The following EGFR variants were observed in gnomAD, a reference collection of about 807,000 sequenced individuals.
The protein encoded by EGFR is epidermal growth factor receptor, also known as avian erythroblastic leukemia viral (v-erb-b) oncogene homolog.
Under a neutral mutation model 143.0 loss-of-function variants are expected in EGFR, and 58 were observed. The observed-to-expected ratio is 0.41, with a 90% CI of 0.33 to 0.50. EGFR has a LOEUF of 0.50. Among genes scored for constraint, EGFR ranks in the 20% least tolerant of loss-of-function variants. The probability of loss-of-function intolerance (pLI) is 0.39; values close to 1 mark genes in which losing one functional copy is unlikely to be tolerated. For synonymous variants in EGFR, 613 were observed against 594.4 expected (o/e 1.03, Z -0.45); for missense variants, 1,307 against 1,579.0 (o/e 0.83, Z 2.92).
At chr7:55,126,079 G>T (rs1477479726) in intron 1 of EGFR, among the ~76,000 whole-genome samples, 1 of 152,120 alleles carries the variant, frequency 6.6e-6, no homozygotes, top group African/African-American at 2.4e-5. Context: ...ATGTGGCGGG[G>T]CCCCGCTTGT....
At chr7:55,128,016 C>G (rs1232339036) in intron 1 of EGFR, among the ~76,000 whole-genome samples, 1 of 152,194 alleles carries the variant, frequency 6.6e-6, no homozygotes, top group Non-Finnish European at 1.5e-5. Context: ...GGCACAGGAA[C>G]CAAAACAAAG....
intron 1 of EGFR, among the ~76,000 whole-genome samples, chr7:55,103,560 G>A (rs1562716489): frequency 6.6e-6 from 1 of 152,230 alleles, no homozygotes; most frequent in Non-Finnish European, 1.5e-5. Context: ...AGCTAAGGAA[G>A]AAAGCTGGTC....
intron 13 of EGFR, among the ~76,000 whole-genome samples, chr7:55,162,254 AG>A (rs1785745401): frequency 1.3e-5 from 2 of 152,268 alleles, no homozygotes; most frequent in African/African-American, 4.8e-5. Flanking sequence ...TAAATAGGAA[AG>A]TAAAACTGAA....
chr7:55,040,151 G>A (rs1163370862), intron 1 of EGFR, among the ~76,000 whole-genome samples: 1 of 152,180 alleles, frequency 6.6e-6, no homozygotes, highest in African/African-American at 2.4e-5. Context: ...GCTGCAGGGA[G>A]CCTTGAGTTC....
intron 1 of EGFR, among the ~76,000 whole-genome samples, chr7:55,131,939 GAA>G (rs1272464184): frequency 8.0e-5 from 8 of 99,788 alleles, no homozygotes; most frequent in Admixed American, 3.3e-4. Context: ...TTTGCTTTCA[GAA>G]AAAAAAAAAA....
chr7:55,143,866 A>G (rs536418617), intron 3 of EGFR, among the ~76,000 whole-genome samples: 4 of 152,212 alleles, frequency 2.6e-5, no homozygotes, highest in Non-Finnish European at 5.9e-5. Flanking sequence ...GATAAAAGAC[A>G]TACAGTAAAA....
At chr7:55,031,506 G>A (rs113015455) in intron 1 of EGFR, among the ~76,000 whole-genome samples, 1 of 114,364 alleles carries the variant, frequency 8.7e-6, no homozygotes. Context: ...GTAGTGACGT[G>A]CCTGGTGTCA....
At chr7:55,179,479 G>T (rs748542787) in intron 19 of EGFR, among the ~76,000 whole-genome samples, 4 of 152,206 alleles carry the variant, frequency 2.6e-5, no homozygotes, top group Non-Finnish European at 5.9e-5. Flanking sequence ...GGAAGGAGGA[G>T]GTGGGTTCTG....
rs148206073 is a variant in EGFR, at chr7:55,044,924, A to G, written c.88+25559A>G. Among the ~76,000 whole-genome samples the G allele has an allele frequency of 8.2e-4, 125 of 152,314 alleles. 1 individual carries two copies. The highest frequency in any genetic ancestry group is 2.9e-3 in the South Asian group (14 of 4,826). Reference sequence around the variant, plus strand: ...TTGTCTAAGAAAGAAGGCTGTGTTCATGGCCTTTGTTGTTTACGTGGCCCT... The same window carrying G: ...TTGTCTAAGAAAGAAGGCTGTGTTCGTGGCCTTTGTTGTTTACGTGGCCCT... On this transcript the variant is annotated intron_variant, in intron 1 of 27. Transcript: ENST00000275493.
intron 20 of EGFR, among the ~76,000 whole-genome samples, chr7:55,182,653 C>A (rs968430104): frequency 5.9e-5 from 9 of 152,168 alleles, no homozygotes; most frequent in Admixed American, 5.2e-4. Context: ...CAGATAGCAG[C>A]ACACCCTGCA....
At chr7:55,151,011 G>A (rs559571913) in intron 4 of EGFR, among the ~76,000 whole-genome samples, 1 of 152,306 alleles carries the variant, frequency 6.6e-6, no homozygotes, top group South Asian at 2.1e-4. Context: ...TGTAAACAAG[G>A]AACCTCAAAT....
intron 1 of EGFR, among the ~76,000 whole-genome samples, chr7:55,090,806 G>A (rs941763658): frequency 6.6e-6 from 1 of 152,184 alleles, no homozygotes; most frequent in Non-Finnish European, 1.5e-5. Flanking sequence ...CTTCAGGAAT[G>A]AGGCTAGTAA....
rs17289651 is a variant in EGFR, at chr7:55,145,749, G to A, written c.425-857G>A. On this transcript the variant is annotated intron_variant, in intron 3 of 27. Coordinates refer to ENST00000275493, the MANE Select transcript of EGFR (RefSeq NM_005228.5). ...CATTGTGAGAATGAATGAAGATAGT[G>A]CTTATAAATCAGCCAGCAAGGTACC... is the stretch of plus-strand genomic sequence containing the variant. Among the ~76,000 whole-genome samples the A allele has an allele frequency of 3.9e-5, 6 of 152,290 alleles. No individual in the cohort carries two copies. The South Asian group carries it at 1.0e-3, about 26-fold the overall frequency.
chr7:55,198,963 A>G, intron 23 of EGFR, 100 bp downstream of exon 23: 1 of 1,487,708 alleles, frequency 6.7e-7, no homozygotes, highest in Non-Finnish European at 9.2e-7. Flanking sequence ...AAATGTCATC[A>G]CATTACTTAA....
intron 1 of EGFR, among the ~76,000 whole-genome samples, chr7:55,050,438 G>C (rs748783892): frequency 1.3e-4 from 20 of 152,086 alleles, no homozygotes; most frequent in Non-Finnish European, 2.6e-4. Flanking sequence ...TCCATTTCCA[G>C]GCTGAATGGT....
intron 1 of EGFR, among the ~76,000 whole-genome samples, chr7:55,115,064 G>A (rs1239656496): frequency 2.0e-5 from 3 of 152,032 alleles, no homozygotes; most frequent in Admixed American, 1.3e-4. Context: ...TGTATTTTTA[G>A]TAGAGACGGG....
intron 19 of EGFR, among the ~76,000 whole-genome samples, chr7:55,178,221 G>A (rs6979102): frequency 0.013 from 2,048 of 152,346 alleles, 55 homozygotes; most frequent in African/African-American, 0.047. Flanking sequence ...AAGAGCCAGA[G>A]GGTTTCTTTG....
chr7:55,196,193 T>TTTTTTTTTTTTTTA (rs1554354441), intron 22 of EGFR, among the ~76,000 whole-genome samples: 3 of 141,296 alleles, frequency 2.1e-5, no homozygotes, highest in Admixed American at 1.4e-4. Flanking sequence ...TTTTTTTTTT[T>TTTTTTTTTTTTTTA]ACTTTTCAAT....
intron 22 of EGFR, among the ~76,000 whole-genome samples, chr7:55,195,319 C>T (rs1319787761): frequency 2.0e-5 from 3 of 152,164 alleles, no homozygotes; most frequent in Admixed American, 6.5e-5. Context: ...TTGGGAATGG[C>T]CTCTGTTACC....
Sources: allele counts gnomAD v4.1 joint callset (sites outside exome capture counted in the v4.1 genomes callset), GRCh38; gene constraint gnomAD v4.1.1; transcripts MANE v1.5; gene names NCBI Gene and HGNC (gene_info 2026-07-23, HGNC 2026-07-21).